WIPF3: variants seen among roughly 807,000 people sequenced by gnomAD.
WIPF3 encodes the protein WAS/WASL interacting protein family member 3, also known as WAS/WASL-interacting protein family member 3.
A neutral mutation model predicts 38.9 loss-of-function variants in WIPF3; 33 were observed. The ratio of observed to expected loss-of-function variants is 0.85; its 90% CI spans 0.64 to 1.14. WIPF3 has a LOEUF of 1.14. Among genes scored for constraint, WIPF3 ranks in the 50% most tolerant of loss-of-function variants. The probability of loss-of-function intolerance (pLI) is 0.00; values close to 1 mark genes in which losing one functional copy is unlikely to be tolerated. For synonymous variants in WIPF3, 324 were observed against 269.3 expected, an observed-to-expected ratio of 1.20 and a Z score of -1.99; for missense variants, 711 against 652.5, an observed-to-expected ratio of 1.09 and a Z score of -0.98.
At chr7:29,858,697 T>C (rs1352871278) in intron 2 of WIPF3, among the ~76,000 whole-genome samples, 1 of 152,202 alleles carries the variant, frequency 6.6e-6, no homozygotes, top group African/African-American at 2.4e-5. Flanking sequence ...TTATTTCTGC[T>C]CCTTTTTAGA....
intron 5 of WIPF3, among the ~76,000 whole-genome samples, chr7:29,885,242 C>G (rs182431592): frequency 6.6e-6 from 1 of 152,192 alleles, no homozygotes; most frequent in Non-Finnish European, 1.5e-5. Context: ...CGTTCATGCC[C>G]CATGGCTGAT....
intron 1 of WIPF3, among the ~76,000 whole-genome samples, chr7:29,818,677 T>C (rs1372234864): frequency 6.6e-6 from 1 of 151,854 alleles, no homozygotes; most frequent in Non-Finnish European, 1.5e-5. Flanking sequence ...TCTTTTCAAC[T>C]ATTATACAAT....
rs944158114 is a variant in WIPF3, at chr7:29,902,256, TTTCTTC to T, written c.1352-2015_1352-2010del. Among the ~76,000 whole-genome samples, 73 of 137,196 alleles carry T rather than the reference TTTCTTC, an allele frequency of 5.3e-4. 3 individuals are homozygous for T. In the Middle Eastern group the frequency reaches 0.012, roughly 23 times the overall value. 90.0% of individuals were successfully genotyped at this position (137,196 alleles called of 152,430 possible). A position where few individuals can be genotyped will look rare whatever the true frequency, so the allele number is the denominator to read the frequency against. On this transcript the variant is annotated intron_variant, in intron 7 of 8. Coordinates refer to ENST00000242140, the MANE Select transcript of WIPF3 (RefSeq NM_001080529.3). Reference sequence around the variant, plus strand: ...TAGACAAGGGGCTGTATATTAGTGTTTTCTTCTTCTTCTTCTTCTTTTTTTTTTTTT... The same window carrying T: ...TAGACAAGGGGCTGTATATTAGTGTTTTCTTCTTCTTCTTTTTTTTTTTTT...
intron 4 of WIPF3, among the ~76,000 whole-genome samples, chr7:29,879,555 C>T (rs558359934): frequency 2.0e-5 from 3 of 152,292 alleles, no homozygotes; most frequent in African/African-American, 4.8e-5. Context: ...TGCTGTGTAA[C>T]GAAACACCCT....
In WIPF3 at chr7:29,852,327, G is replaced by A. The variant is rs543285823; in HGVS notation, c.90+17513G>A. Among the ~76,000 whole-genome samples the A allele has an allele frequency of 3.9e-5, 6 of 152,318 alleles. No homozygotes were observed. The South Asian group carries it at 1.0e-3, about 26-fold the overall frequency. Reference sequence around the variant, plus strand: ...CTTTAAACATGTTCTTCAAAGGCTGGGTTCTCAAGAGTAAAACAGGGAGAG... The same window carrying A: ...CTTTAAACATGTTCTTCAAAGGCTGAGTTCTCAAGAGTAAAACAGGGAGAG... On this transcript the variant is annotated intron_variant, in intron 2 of 8. Coordinates refer to ENST00000242140, the MANE Select transcript of WIPF3 (RefSeq NM_001080529.3).
At chr7:29,821,475 C>G (rs985011283) in intron 1 of WIPF3, among the ~76,000 whole-genome samples, 5 of 152,012 alleles carry the variant, frequency 3.3e-5, no homozygotes, top group African/African-American at 1.2e-4. Flanking sequence ...TAATTTTTCT[C>G]TAGAGACAGG....
intron 1 of WIPF3, among the ~76,000 whole-genome samples, chr7:29,825,596 G>A (rs549182688): frequency 6.6e-6 from 1 of 152,060 alleles, no homozygotes; most frequent in Non-Finnish European, 1.5e-5. Context: ...CAATTTTTAT[G>A]GAACTCAGCC....
chr7:29,889,065 T>G (rs1262261842), intron 6 of WIPF3, among the ~76,000 whole-genome samples: 1 of 152,126 alleles, frequency 6.6e-6, no homozygotes, highest in African/African-American at 2.4e-5. Context: ...TAAGTTCAGG[T>G]GGGTGACAGG....
intron 1 of WIPF3, among the ~76,000 whole-genome samples, chr7:29,814,799 T>C (rs1330942812): frequency 6.6e-6 from 1 of 152,176 alleles, no homozygotes; most frequent in Non-Finnish European, 1.5e-5. Flanking sequence ...AGTGAACTGT[T>C]TAACTGAGCA....
At chr7:29,887,001 A>G (rs979712931) in intron 5 of WIPF3, among the ~76,000 whole-genome samples, 20 of 152,308 alleles carry the variant, frequency 1.3e-4, no homozygotes, top group African/African-American at 3.6e-4. Flanking sequence ...GAAGACCAGA[A>G]AGGGAGAGGA....
intron 2 of WIPF3, among the ~76,000 whole-genome samples, chr7:29,872,593 A>C (rs1162859784): frequency 6.6e-6 from 1 of 152,012 alleles, no homozygotes; most frequent in Non-Finnish European, 1.5e-5. Context: ...GGAGATCGAG[A>C]CCATCCTGGC....
intron 2 of WIPF3, among the ~76,000 whole-genome samples, chr7:29,865,526 A>G (rs774322259): frequency 3.9e-5 from 6 of 152,152 alleles, no homozygotes; most frequent in Non-Finnish European, 7.4e-5. Context: ...ATGGAGGATC[A>G]CTGCAAACCA....
chr7:29,835,167 T>C (rs1396180138), intron 2 of WIPF3, among the ~76,000 whole-genome samples: 32 of 152,018 alleles, frequency 2.1e-4, no homozygotes, highest in Non-Finnish European at 1.5e-5. Flanking sequence ...CAATGAGGCC[T>C]TGTGAAGTCA....
At chr7:29,903,846 A>G (rs1562791219) in intron 7 of WIPF3, among the ~76,000 whole-genome samples, 1 of 152,172 alleles carries the variant, frequency 6.6e-6, no homozygotes, top group African/African-American at 2.4e-5. Flanking sequence ...ATTCTTAACT[A>G]TAAGAAGATA....
At chr7:29,892,785 C>T (rs139382569) in intron 7 of WIPF3, among the ~76,000 whole-genome samples, 1 of 152,302 alleles carries the variant, frequency 6.6e-6, no homozygotes, top group African/African-American at 2.4e-5. Flanking sequence ...AGACCAGGGT[C>T]AGGGAACCTG....
chr7:29,839,568 G>A (rs1784883002), intron 2 of WIPF3, among the ~76,000 whole-genome samples: 1 of 152,206 alleles, frequency 6.6e-6, no homozygotes, highest in South Asian at 2.1e-4. Context: ...ATGACCTCAT[G>A]AGCAAGCAAT....
At chr7:29,850,063 T>C (rs1437769048) in intron 2 of WIPF3, among the ~76,000 whole-genome samples, 1 of 152,266 alleles carries the variant, frequency 6.6e-6, no homozygotes, top group East Asian at 1.9e-4. Flanking sequence ...CTCATTCATA[T>C]GCCTTTTGGG....
chr7:29,865,029 C>T (rs1413193968), intron 2 of WIPF3, among the ~76,000 whole-genome samples: 1 of 152,178 alleles, frequency 6.6e-6, no homozygotes, highest in African/African-American at 2.4e-5. Context: ...TACCAGGTGC[C>T]AAGCCCTGTT....
chr7:29,851,566 A>T (rs1005642829), intron 2 of WIPF3, among the ~76,000 whole-genome samples: 1 of 152,186 alleles, frequency 6.6e-6, no homozygotes, highest in Non-Finnish European at 1.5e-5. Flanking sequence ...CGTGACTGAC[A>T]GTGCCAGGCT....
Sources: allele counts gnomAD v4.1 joint callset (sites outside exome capture counted in the v4.1 genomes callset), GRCh38; gene constraint gnomAD v4.1.1; transcripts MANE v1.5; gene names NCBI Gene and HGNC (gene_info 2026-07-23, HGNC 2026-07-21).